Variants in LINGO1 observed in about 807,000 individuals in gnomAD.
The protein encoded by LINGO1 is leucine-rich repeat and immunoglobulin-like domain-containing nogo receptor-interacting protein 1.
A neutral mutation model predicts 37.3 loss-of-function variants in LINGO1; 11 were observed. The observed-to-expected ratio is 0.29, with a 90% CI of 0.19 to 0.49. The LOEUF (loss-of-function observed/expected upper bound fraction) is 0.49, where lower values mean the gene tolerates loss of function less well. Among genes scored for constraint, LINGO1 ranks in the 20% least tolerant of loss-of-function variants. LINGO1 has a pLI of 0.99. For synonymous variants in LINGO1, 387 were observed against 403.0 expected (o/e 0.96, Z 0.48); for missense variants, 585 against 878.2 (o/e 0.67, Z 4.22).
intron 1 of LINGO1, among the ~76,000 whole-genome samples, chr15:77,776,072 G>A (rs544602109): frequency 3.6e-4 from 55 of 152,176 alleles, no homozygotes; most frequent in African/African-American, 1.3e-3. Context: ...CACCACCACG[G>A]CTGTTTCCAG....
chr15:77,660,748 G>A (rs1376095161), intron 3 of LINGO1, among the ~76,000 whole-genome samples: 1 of 151,106 alleles, frequency 6.6e-6, no homozygotes, highest in Admixed American at 6.6e-5. Flanking sequence ...TGGAGGGTGA[G>A]TAGCCTTCAA....
At chr15:77,705,893 A>T (rs2075846628) in intron 2 of LINGO1, among the ~76,000 whole-genome samples, 1 of 152,048 alleles carries the variant, frequency 6.6e-6, no homozygotes, top group Non-Finnish European at 1.5e-5. Context: ...CTGAAATCCC[A>T]CCAGTCATTC....
intron 1 of LINGO1, among the ~76,000 whole-genome samples, chr15:77,767,474 T>C (rs941851591): frequency 1.3e-5 from 2 of 152,060 alleles, no homozygotes; most frequent in East Asian, 3.9e-4. Context: ...AATGGGAGTG[T>C]AAACCAAGAG....
intron 2 of LINGO1, among the ~76,000 whole-genome samples, chr15:77,717,280 CA>C (rs974183134): frequency 6.6e-6 from 1 of 150,854 alleles, no homozygotes; most frequent in Non-Finnish European, 1.5e-5. Flanking sequence ...CTTCAAAGAG[CA>C]GAGGCATTAA....
intron 2 of LINGO1, among the ~76,000 whole-genome samples, chr15:77,709,583 C>T (rs745607112): frequency 2.6e-5 from 4 of 152,242 alleles, no homozygotes; most frequent in Non-Finnish European, 5.9e-5. Context: ...TGTGGTTCAA[C>T]GTCCTGGAAG....
intron 2 of LINGO1, among the ~76,000 whole-genome samples, chr15:77,686,698 T>C (rs1419676659): frequency 1.3e-5 from 2 of 152,134 alleles, no homozygotes; most frequent in African/African-American, 4.8e-5. Context: ...ATGGGCACCA[T>C]CCTTGCCTCT....
rs543728160 is a variant in LINGO1 at position 77,769,599 on chromosome 15, G to T, written c.-257+17270C>A. ...CAATGTCGAAGCCAACTGGAGGCAA[G>T]GATGGAGGCAGGAGGATTGCCATGG... On this transcript the variant is annotated intron_variant, in intron 1 of 3. Coordinates refer to the LINGO1 transcript ENST00000561686. 7.2e-5 allele frequency among the ~76,000 whole-genome samples: 11 copies of T among 152,310 alleles called. No individual in the cohort carries two copies. The South Asian group carries it at 2.1e-3, about 29-fold the overall frequency.
intron 1 of LINGO1, among the ~76,000 whole-genome samples, chr15:77,803,375 G>A (rs117074255): frequency 1.3e-5 from 2 of 152,096 alleles, no homozygotes; most frequent in East Asian, 1.9e-4. Context: ...TTGAGCCCAG[G>A]AGTCTGAAGC....
intron 3 of LINGO1, among the ~76,000 whole-genome samples, chr15:77,668,755 C>A (rs916185687): frequency 5.3e-5 from 8 of 151,718 alleles, no homozygotes; most frequent in African/African-American, 1.7e-4. Flanking sequence ...CATATACACA[C>A]ACACAGGGGA....
At chr15:77,692,413 G>A (rs764802758) in intron 1 of LINGO1, among the ~76,000 whole-genome samples, 12 of 152,168 alleles carry the variant, frequency 7.9e-5, no homozygotes, top group Admixed American at 3.3e-4. Context: ...GTGGAAACAC[G>A]GACGGAGAGT....
exon 1 of LINGO1, chr15:77,696,446 T>A (rs1486760865): frequency 6.6e-6 from 1 of 152,368 alleles, no homozygotes; most frequent in Non-Finnish European, 1.5e-5. Flanking sequence ...GGCAAGTCCC[T>A]GAGCCTCTTG....
At chr15:77,803,474 GAA>G (rs796631235) in intron 1 of LINGO1, among the ~76,000 whole-genome samples, 7 of 140,546 alleles carry the variant, frequency 5.0e-5, no homozygotes, top group African/African-American at 1.8e-4. Context: ...AAAATCTGAA[GAA>G]AAAAAAAAAA....
chr15:77,655,525 C>T (rs565637184), intron 3 of LINGO1, among the ~76,000 whole-genome samples: 15 of 152,226 alleles, frequency 9.9e-5, no homozygotes, highest in African/African-American at 3.4e-4. Context: ...CTCCCTGTGT[C>T]CCCAGTGGAT....
intron 1 of LINGO1, among the ~76,000 whole-genome samples, chr15:77,816,999 A>C (rs1426412081): frequency 6.6e-6 from 1 of 152,006 alleles, no homozygotes; most frequent in Non-Finnish European, 1.5e-5. Flanking sequence ...GAAGAAAAAA[A>C]CAATGGCAAA....
At chr15:77,699,710 T>TACTAACCA (rs1567532138), upstream of LINGO1, among the ~76,000 whole-genome samples, 4 of 2,878 alleles carry the variant, frequency 1.4e-3, no homozygotes, top group African/African-American at 2.7e-3. Flanking sequence ...CTAACCATCA[T>TACTAACCA]TCCCACACAC....
At chr15:77,652,957 G>T (rs1203671808) in intron 3 of LINGO1, among the ~76,000 whole-genome samples, 1 of 152,208 alleles carries the variant, frequency 6.6e-6, no homozygotes, top group East Asian at 1.9e-4. Context: ...GTGGGTGTAG[G>T]GCCACACAGG....
At chr15:77,662,629 A>AG (rs1488514510) in intron 3 of LINGO1, among the ~76,000 whole-genome samples, 1 of 152,078 alleles carries the variant, frequency 6.6e-6, no homozygotes, top group Non-Finnish European at 1.5e-5. Context: ...TACTCCATGA[A>AG]GGGCTGGTGG....
intron 1 of LINGO1, among the ~76,000 whole-genome samples, chr15:77,737,830 C>T (rs960859696): frequency 6.6e-6 from 1 of 152,064 alleles, no homozygotes; most frequent in Non-Finnish European, 1.5e-5. Flanking sequence ...ACCTAACTTC[C>T]CTCCAAGCAT....
intron 2 of LINGO1, among the ~76,000 whole-genome samples, chr15:77,710,138 G>C (rs936976744): frequency 1.3e-5 from 2 of 152,188 alleles, no homozygotes; most frequent in Non-Finnish European, 2.9e-5. Context: ...GGAACCCCAG[G>C]GGGGCAGGGG....
Sources: allele counts gnomAD v4.1 joint callset (sites outside exome capture counted in the v4.1 genomes callset), GRCh38; gene constraint gnomAD v4.1.1; transcripts MANE v1.5; gene names NCBI Gene and HGNC (gene_info 2026-07-23, HGNC 2026-07-21).